TACR1: variants seen among roughly 807,000 people sequenced by gnomAD.
The protein encoded by TACR1 is substance-P receptor.
TACR1 carries 25 observed loss-of-function variants against 35.8 expected under a neutral mutation model. The observed-to-expected ratio is 0.70, with a 90% CI of 0.51 to 0.98. TACR1 has a LOEUF of 0.98. Ranked by LOEUF, TACR1 falls within the 50% of genes least tolerant of loss-of-function variation. The probability of loss-of-function intolerance (pLI) is 0.00; values close to 1 mark genes in which losing one functional copy is unlikely to be tolerated. For missense variants in TACR1, 478 were observed against 522.9 expected, an observed-to-expected ratio of 0.91 and a Z score of 0.84; for synonymous variants, 195 against 206.7, an observed-to-expected ratio of 0.94 and a Z score of 0.48.
chr2:75,052,670 G>T (rs1390234356), intron 3 of TACR1, among the ~76,000 whole-genome samples: 2 of 152,026 alleles, frequency 1.3e-5, no homozygotes, highest in Non-Finnish European at 2.9e-5. Flanking sequence ...AAAAAGAAGA[G>T]AAAATAATAT....
intron 2 of TACR1, among the ~76,000 whole-genome samples, chr2:75,095,495 G>T (rs1369480450): frequency 6.6e-6 from 1 of 152,162 alleles, no homozygotes; most frequent in Non-Finnish European, 1.5e-5. Flanking sequence ...CATGGAGGGA[G>T]GGCGTTTCGA....
At chr2:75,165,811 G>C (rs1246255358) in intron 1 of TACR1, among the ~76,000 whole-genome samples, 1 of 152,158 alleles carries the variant, frequency 6.6e-6, no homozygotes, top group Non-Finnish European at 1.5e-5. Flanking sequence ...CAACAGTGGA[G>C]GCAGGAAGAC....
intron 1 of TACR1, among the ~76,000 whole-genome samples, chr2:75,157,416 A>G (rs1674889939): frequency 1.3e-5 from 2 of 152,202 alleles, no homozygotes; most frequent in Admixed American, 1.3e-4. Flanking sequence ...ACAAACAAGC[A>G]TCATAACGAC....
At chr2:75,122,438 C>T (rs1421529596) in intron 1 of TACR1, among the ~76,000 whole-genome samples, 2 of 152,182 alleles carry the variant, frequency 1.3e-5, no homozygotes, top group Non-Finnish European at 2.9e-5. Flanking sequence ...TGGGATTTCC[C>T]TCTCTGGTCT....
chr2:75,174,137 C>A (rs759234317), intron 1 of TACR1, among the ~76,000 whole-genome samples: 19 of 152,218 alleles, frequency 1.2e-4, no homozygotes, highest in Non-Finnish European at 2.5e-4. Context: ...TGATATGATA[C>A]CCCAAATCCC....
chr2:75,133,987 G>T (rs1674228450), intron 1 of TACR1, among the ~76,000 whole-genome samples: 1 of 152,158 alleles, frequency 6.6e-6, no homozygotes, highest in Admixed American at 6.5e-5. Context: ...ATGACTTCTG[G>T]TCGTCCTCAC....
intron 1 of TACR1, among the ~76,000 whole-genome samples, chr2:75,144,836 G>T (rs1674472289): frequency 6.6e-6 from 1 of 152,074 alleles, no homozygotes; most frequent in Admixed American, 6.6e-5. Flanking sequence ...TAACAGATTG[G>T]ATAGCACAGA....
intron 1 of TACR1, among the ~76,000 whole-genome samples, chr2:75,150,594 G>GT (rs112015223): frequency 0.15 from 22,169 of 152,194 alleles, 1,797 homozygotes; most frequent in Middle Eastern, 0.23. Context: ...ATGTAGAACT[G>GT]TAAGTCCAAT....
At chr2:75,156,075 T>C (rs1047056058) in intron 1 of TACR1, 1 of 152,266 alleles carries the variant, frequency 6.6e-6, no homozygotes, top group African/African-American at 2.4e-5. Context: ...ACACTATTTG[T>C]TTACATATTG....
chr2:75,120,693 C>A lies in TACR1; in HGVS notation c.465G>T (p.Trp155Cys). 12 of 1,613,946 alleles carry A rather than the reference C, an allele frequency of 7.4e-6. No homozygotes were observed. The highest frequency in any genetic ancestry group is 1.0e-5 in the Non-Finnish European group (12 of 1,179,988). ...TATKVVICVI[W>C]VLALLLAFPQ... ...GGAAGGCCAGCAGGAGAGCCAGGACCCAGATGACACAGATGACCACTTTGG... is the reference window on the plus strand; with the variant it reads ...GGAAGGCCAGCAGGAGAGCCAGGACACAGATGACACAGATGACCACTTTGG... The change falls in exon 2 of 5, where the codon TGG (tryptophan) becomes TGT (cysteine). Residue 155 changes from tryptophan (W) to cysteine (C), a missense_variant. By Grantham distance (215) the Trp-to-Cys change is radical. Coordinates refer to ENST00000305249, the MANE Select transcript of TACR1 (RefSeq NM_001058.4).
intron 1 of TACR1, among the ~76,000 whole-genome samples, chr2:75,162,041 T>A (rs1675021930): frequency 6.3e-5 from 2 of 31,614 alleles, no homozygotes; most frequent in South Asian, 1.6e-3. Flanking sequence ...TATTGACTCT[T>A]CCAAAAAAAA....
At chr2:75,079,876 TG>T in intron 2 of TACR1, among the ~76,000 whole-genome samples, 1 of 152,120 alleles carries the variant, frequency 6.6e-6, no homozygotes, top group South Asian at 2.1e-4. Context: ...TGGAGTTATC[TG>T]GGGAAGAAAG....
intron 1 of TACR1, among the ~76,000 whole-genome samples, chr2:75,136,001 A>G (rs1296862620): frequency 6.6e-6 from 1 of 152,188 alleles, no homozygotes; most frequent in Non-Finnish European, 1.5e-5. Context: ...ACCAGGAACT[A>G]GTGGGTCATT....
At chr2:75,122,703 G>A (rs1203326024) in intron 1 of TACR1, among the ~76,000 whole-genome samples, 1 of 152,170 alleles carries the variant, frequency 6.6e-6, no homozygotes, top group Non-Finnish European at 1.5e-5. Flanking sequence ...CCCTGGTTCT[G>A]TTGATACTAT....
chr2:75,091,941 C>T (rs1673320623), intron 2 of TACR1, among the ~76,000 whole-genome samples: 3 of 152,220 alleles, frequency 2.0e-5, no homozygotes, highest in African/African-American at 4.8e-5. Context: ...CCTCAGTTTA[C>T]AAACAGTCTT....
rs887725708 is a variant in TACR1, at chr2:75,047,412, G to A, written c.*2020C>T. ...GGTAGGCTCTTCAAGAGCTGCAGGG[G>A]CTGTGTGTTCCCAGTTCAGGGCAAA... On this transcript the variant is annotated 3_prime_UTR_variant, in exon 5 of 5. Coordinates refer to ENST00000305249, the MANE Select transcript of TACR1 (RefSeq NM_001058.4). 2.0e-5 allele frequency: 3 copies of A among 152,476 alleles called. No homozygotes were observed. Among genetic ancestry groups the A allele is most frequent in the South Asian group, 2.1e-4 (1 of 4,824 alleles). 9.4% of individuals were successfully genotyped at this position (152,476 alleles called of 1,614,324 possible). A position where few individuals can be genotyped will look rare whatever the true frequency, so the allele number is the denominator to read the frequency against.
At chr2:75,067,199 A>G (rs980805772) in intron 2 of TACR1, among the ~76,000 whole-genome samples, 7 of 152,134 alleles carry the variant, frequency 4.6e-5, no homozygotes, top group Non-Finnish European at 7.4e-5. Flanking sequence ...TGGAATTTCT[A>G]TTTTATCACT....
intron 2 of TACR1, among the ~76,000 whole-genome samples, chr2:75,078,374 C>T (rs984119962): frequency 6.6e-5 from 10 of 151,958 alleles, no homozygotes; most frequent in African/African-American, 2.4e-4. Flanking sequence ...TATAGCCCTC[C>T]TCACAGGAGG....
chr2:75,058,223 A>G (rs1457857145), intron 2 of TACR1, among the ~76,000 whole-genome samples: 1 of 152,224 alleles, frequency 6.6e-6, no homozygotes, highest in East Asian at 1.9e-4. Flanking sequence ...ACATAAAATT[A>G]AATACTTTTT....
Sources: allele counts gnomAD v4.1 joint callset (sites outside exome capture counted in the v4.1 genomes callset), GRCh38; gene constraint gnomAD v4.1.1; transcripts MANE v1.5; gene names NCBI Gene and HGNC (gene_info 2026-07-23, HGNC 2026-07-21).